The following KASH5 variants were observed in gnomAD, a reference collection of about 807,000 sequenced individuals.
KASH5 encodes the protein protein KASH5.
A neutral mutation model predicts 84.2 loss-of-function variants in KASH5; 72 were observed. The ratio of observed to expected loss-of-function variants is 0.85; its 90% CI spans 0.71 to 1.04. The LOEUF is 1.04. KASH5 is among the 50% of genes least tolerant of loss of function. The probability of loss-of-function intolerance (pLI) is 0.00; values close to 1 mark genes in which losing one functional copy is unlikely to be tolerated. For synonymous variants in KASH5, 260 were observed against 279.1 expected, an observed-to-expected ratio of 0.93 and a Z score of 0.68; for missense variants, 650 against 701.0, an observed-to-expected ratio of 0.93 and a Z score of 0.82.
chr19:49,394,886 C>A (rs1974123360), intron 3 of KASH5: 4 of 589,438 alleles, frequency 6.8e-6, no homozygotes, highest in South Asian at 4.2e-5. Context: ...ATGTCCATCC[C>A]CTTTGGTTTA....
rs919185870 is a variant in KASH5, at chr19:49,399,017, G to T, written c.630-8G>T. The T allele has an allele frequency of 5.8e-6, 9 of 1,548,314 alleles. No individual in the cohort carries two copies. The highest frequency in any genetic ancestry group is 1.7e-4 in the Middle Eastern group (1 of 5,984). On this transcript the variant is annotated splice_region_variant and splice_polypyrimidine_tract_variant and intron_variant, in intron 7 of 19. Transcript: ENST00000447857. This position sits in a 1 kb window ranked among gnomAD's most constrained non-coding sequence, Gnocchi z 4.4. ...TCGTATGGCTCATCTGCCCCCACCC[G>T]CATTCAGCACCCAGCAGGCCCTGCA...
intron 2 of KASH5, chr19:49,393,841 C>G (rs1974085210): frequency 6.6e-6 from 1 of 152,580 alleles, no homozygotes; most frequent in Admixed American, 6.5e-5. Context: ...AGATGTGCAG[C>G]TGGACTCTGC....
Position 49,417,735 on chromosome 19 carries a change from T to A in KASH5, c.*225T>A. The A allele has an allele frequency of 1.9e-6, 1 of 529,708 alleles. No individual in the cohort carries two copies. Among genetic ancestry groups the A allele is most frequent in the Non-Finnish European group, 3.0e-6 (1 of 337,932 alleles). The allele number at this position is 529,708 out of a possible 1,614,324, so 32.8% of individuals were successfully genotyped here. Reference sequence around the variant, plus strand: ...GTAATGGATTAAGCACTAAGGATTATTCCCTCACAAAACAAGCCTGGCGAG... The same window carrying A: ...GTAATGGATTAAGCACTAAGGATTAATCCCTCACAAAACAAGCCTGGCGAG... On this transcript the variant is annotated 3_prime_UTR_variant, in exon 20 of 20. Transcript: ENST00000447857. This position sits in a 1 kb window ranked among gnomAD's most constrained non-coding sequence, Gnocchi z 5.2.
intron 5 of KASH5, 41 bp from the exon 6 acceptor site, chr19:49,397,610 G>A (rs760146757): frequency 6.3e-7 from 1 of 1,599,952 alleles, no homozygotes; most frequent in South Asian, 1.1e-5. Context: ...ACGTTTAAGG[G>A]TTCCAGGGAA....
chr19:49,410,983 G>A (rs1427722931), intron 15 of KASH5, among the ~76,000 whole-genome samples: 10 of 149,800 alleles, frequency 6.7e-5, no homozygotes, highest in East Asian at 4.0e-4. Flanking sequence ...CTGTTGCCCC[G>A]GCTGGGGTGC....
rs1375685080 is a variant in KASH5, at chr19:49,406,771, G to A, written c.799-115G>A. 5.6e-6 allele frequency: 5 copies of A among 887,614 alleles called. No homozygotes were observed. In the African/African-American group the frequency reaches 8.3e-5, roughly 15 times the overall value. 55.0% of individuals were successfully genotyped at this position (887,614 alleles called of 1,614,324 possible). ...AGGAATTAAATGGGTTAAAACATAT[G>A]AAGTGCTTAGCATGAGGCCTGATGT... On this transcript the variant is annotated intron_variant, in intron 9 of 19. Transcript: ENST00000447857.
intron 16 of KASH5, 112 bp downstream of exon 16, chr19:49,413,138 C>T (rs1214340221): frequency 9.5e-7 from 1 of 1,056,632 alleles, no homozygotes; most frequent in Admixed American, 2.1e-5. Flanking sequence ...TTCACTCCTT[C>T]TTCATGTCTT....
rs751390576 is a variant in KASH5, at chr19:49,394,593, T to A, written c.148+13T>A. The A allele has an allele frequency of 1.6e-5, 25 of 1,602,410 alleles. No individual in the cohort carries two copies. The Admixed American group carries it at 3.8e-4, about 25-fold the overall frequency. On this transcript the variant is annotated intron_variant, in intron 3 of 19. Coordinates refer to ENST00000447857, the MANE Select transcript of KASH5 (RefSeq NM_144688.5). ...CCTCAGAGGACAGGTGGTGGGGGCA[T>A]GAGGGGTGCTGGGGACCAGTGCGGG...
At position 49,399,884 on chromosome 19, in the gene KASH5, A is replaced by T. The variant is rs576924775; in HGVS notation, c.798+377A>T. 7.2e-5 allele frequency: 19 copies of T among 265,718 alleles called. No individual in the cohort carries two copies. The highest frequency in any genetic ancestry group is 3.8e-4 in the African/African-American group (18 of 47,070). 16.5% of individuals were successfully genotyped at this position (265,718 alleles called of 1,614,324 possible). On this transcript the variant is annotated intron_variant, in intron 9 of 19. Transcript: ENST00000447857. The surrounding 1 kb of genome is among the most constrained non-coding windows in gnomAD (Gnocchi z 4.4). ...TTGGGCACAAGGTAGGACACATAGG[A>T]TGTGCTCACTAAAAGTTATCTAGCA... is the stretch of plus-strand genomic sequence containing the variant.
intron 7 of KASH5, 42 bp from the exon 8 acceptor site, chr19:49,398,983 T>C: frequency 6.9e-7 from 1 of 1,439,620 alleles, no homozygotes; most frequent in South Asian, 1.2e-5. Context: ...TTCTCTGCCT[T>C]CCTCCCTCTC....
chr19:49,407,749 T>C, intron 12 of KASH5, 78 bp downstream of exon 12: 1 of 1,416,206 alleles, frequency 7.1e-7, no homozygotes, highest in Non-Finnish European at 9.8e-7. Flanking sequence ...CTGCCTCTCC[T>C]CCTCGTGCCT....
At chr19:49,407,042 G>A in intron 10 of KASH5, 79 bp downstream of exon 10, 1 of 1,409,482 alleles carries the variant, frequency 7.1e-7, no homozygotes, top group African/African-American at 1.4e-5. Context: ...AGTGACTGCA[G>A]CCTGATAAGG....
intron 3 of KASH5, 175 bp downstream of exon 3, chr19:49,394,755 G>T: frequency 1.7e-6 from 1 of 603,898 alleles, no homozygotes; most frequent in Non-Finnish European, 2.9e-6. Context: ...ATGGGGTGAA[G>T]GCCTTTTAGA....
chr19:49,414,865 C>T lies in KASH5; in HGVS notation c.1329-86C>T, dbSNP rs1410176318. On this transcript the variant is annotated intron_variant, in intron 16 of 19. Coordinates refer to ENST00000447857, the MANE Select transcript of KASH5 (RefSeq NM_144688.5). This position sits in a 1 kb window ranked among gnomAD's most constrained non-coding sequence, Gnocchi z 4.5. ...GCCTGGCCTGTGCTAAGACCCCCTG[C>T]TCCAAGGCTTCTCTCCCAGCCCATA... 2 of 1,519,314 alleles carry T rather than the reference C, an allele frequency of 1.3e-6. No individual in the cohort carries two copies. 94.1% of individuals were successfully genotyped at this position (1,519,314 alleles called of 1,614,324 possible). A position where few individuals can be genotyped will look rare whatever the true frequency, so the allele number is the denominator to read the frequency against.
In KASH5 at chr19:49,412,082, T is replaced by C. The variant is rs182889524; in HGVS notation, c.1270-886T>C. Among the ~76,000 whole-genome samples, 2 of 152,202 alleles carry C rather than the reference T, an allele frequency of 1.3e-5. No individual in the cohort carries two copies. Among genetic ancestry groups the C allele is most frequent in the Admixed American group, 1.3e-4 (2 of 15,288 alleles). On this transcript the variant is annotated intron_variant, in intron 15 of 19. Coordinates refer to ENST00000447857, the MANE Select transcript of KASH5 (RefSeq NM_144688.5). This position sits in a 1 kb window ranked among gnomAD's most constrained non-coding sequence, Gnocchi z 4.6. ...GTAACTAGGGGTGACTAGTGAGAGA[T>C]GAGGCCAGGGCCAGATCATGAAAGG...
At chr19:49,393,478 A>G (rs1343633194) in intron 2 of KASH5, 1 of 152,306 alleles carries the variant, frequency 6.6e-6, no homozygotes, top group East Asian at 1.9e-4. Context: ...CCCGTCCTGC[A>G]GCCTGTGCTC....
At position 49,406,997 on chromosome 19, in the gene KASH5, A is replaced by G. The variant is rs779176054; in HGVS notation, c.876+34A>G. On this transcript the variant is annotated intron_variant, in intron 10 of 19. Transcript: ENST00000447857. ...CCTTCCTAGTGCCTGACAACTTTCC[A>G]CCACCCCGGGGCCATTTTTCCCATT... 21 of 1,552,210 alleles carry G rather than the reference A, an allele frequency of 1.4e-5. No homozygotes were observed. In the South Asian group the frequency reaches 2.4e-4, roughly 17 times the overall value.
Position 49,395,301 on chromosome 19 carries a change from C to G in KASH5, c.335+9C>G, listed in dbSNP as rs747081610. The stretch of plus-strand genomic sequence containing the variant: ...GCCTGTCAACTACATGGGTGAGTCC[C>G]CACATCTTCATCCTCCTCTGGGAAG... On this transcript the variant is annotated intron_variant, in intron 4 of 19. Transcript: ENST00000447857. The surrounding 1 kb of genome is among the most constrained non-coding windows in gnomAD (Gnocchi z 4.4). 5.0e-6 allele frequency: 8 copies of G among 1,609,806 alleles called. No homozygotes were observed. The highest frequency in any genetic ancestry group is 2.2e-5 in the South Asian group (2 of 90,524).
intron 15 of KASH5, among the ~76,000 whole-genome samples, chr19:49,410,946 T>A (rs1361346783): frequency 6.6e-6 from 1 of 151,046 alleles, no homozygotes; most frequent in African/African-American, 2.4e-5. Flanking sequence ...TTAATTAATT[T>A]ATTTTGAGAC....
Sources: gnomAD v4.1 joint callset for allele counts (sites outside exome capture counted in the v4.1 genomes callset) on GRCh38, gnomAD v4.1.1 for gene constraint, Gnocchi (gnomAD v3.1) non-coding constraint, MANE v1.5 for transcripts, NCBI Gene and HGNC (gene_info 2026-07-23, HGNC 2026-07-21) for gene names.